SNX29: variants seen among roughly 807,000 people sequenced by gnomAD.
SNX29 encodes sorting nexin 29.
In SNX29, 78 loss-of-function variants were observed where a neutral mutation model predicts 102.1. The observed-to-expected ratio is 0.76, with a 90% confidence interval of 0.64 to 0.92. The LOEUF is 0.92. Among genes scored for constraint, SNX29 ranks in the 40% least tolerant of loss-of-function variants. The probability of loss-of-function intolerance (pLI) is 0.00; values close to 1 mark genes in which losing one functional copy is unlikely to be tolerated. For missense variants in SNX29, 1,280 were observed against 1,061.7 expected, an observed-to-expected ratio of 1.21 and a Z score of -2.86; for synonymous variants, 580 against 414.5, an observed-to-expected ratio of 1.40 and a Z score of -4.85.
intron 14 of SNX29, among the ~76,000 whole-genome samples, chr16:12,235,697 A>C (rs1030082471): frequency 6.6e-6 from 1 of 152,164 alleles, no homozygotes; most frequent in African/African-American, 2.4e-5. Context: ...ACTTGCATCC[A>C]CATTTTTTTT....
At chr16:12,269,330 CTTCACATTT>C (rs989596325) in intron 14 of SNX29, among the ~76,000 whole-genome samples, 28 of 152,208 alleles carry the variant, frequency 1.8e-4, no homozygotes, top group African/African-American at 6.5e-4. Flanking sequence ...GCATCACCAT[CTTCACATTT>C]GGCACGAGAT....
intron 15 of SNX29, among the ~76,000 whole-genome samples, chr16:12,332,289 C>T (rs972576204): frequency 1.3e-5 from 2 of 152,080 alleles, no homozygotes; most frequent in African/African-American, 2.4e-5. Flanking sequence ...TGCACAAGTG[C>T]GTGTCTTCAG....
chr16:12,533,166 G>A (rs1211185968), intron 20 of SNX29, among the ~76,000 whole-genome samples: 1 of 152,236 alleles, frequency 6.6e-6, no homozygotes, highest in Non-Finnish European at 1.5e-5. Flanking sequence ...GCCTCTCTCT[G>A]AACAAACTGG....
At chr16:12,030,543 T>C (rs944546971) in intron 4 of SNX29, among the ~76,000 whole-genome samples, 4 of 152,212 alleles carry the variant, frequency 2.6e-5, no homozygotes, top group African/African-American at 9.6e-5. Flanking sequence ...CATGGGTCCC[T>C]GAGCCACTCG....
At chr16:12,079,041 T>A in intron 11 of SNX29, 126 bp downstream of exon 11, 1 of 797,364 alleles carries the variant, frequency 1.3e-6, no homozygotes, top group Non-Finnish European at 2.0e-6. Flanking sequence ...TCCCTGGTTG[T>A]AGACTGGAGG....
At chr16:12,266,925 G>C (rs1351794536) in intron 14 of SNX29, among the ~76,000 whole-genome samples, 2 of 151,984 alleles carry the variant, frequency 1.3e-5, no homozygotes, top group Non-Finnish European at 2.9e-5. Context: ...CACCACGCCT[G>C]GCTAATTTTG....
At chr16:12,026,928 T>C (rs2057206783) in intron 3 of SNX29, among the ~76,000 whole-genome samples, 1 of 152,192 alleles carries the variant, frequency 6.6e-6, no homozygotes, top group Admixed American at 6.5e-5. Flanking sequence ...ACATGTAATA[T>C]GAATTAGAGT....
At chr16:12,122,025 G>A (rs1297806877) in intron 11 of SNX29, among the ~76,000 whole-genome samples, 1 of 152,114 alleles carries the variant, frequency 6.6e-6, no homozygotes, top group African/African-American at 2.4e-5. Flanking sequence ...CATGTTGGCT[G>A]GGATGGTCTT....
intron 11 of SNX29, among the ~76,000 whole-genome samples, chr16:12,097,361 G>C (rs1227394268): frequency 6.6e-6 from 1 of 152,180 alleles, no homozygotes; most frequent in Non-Finnish European, 1.5e-5. Context: ...GCTTCACCTG[G>C]AGACCCTGCA....
chr16:12,265,070 T>A (rs377716065), intron 14 of SNX29, among the ~76,000 whole-genome samples: 15 of 152,328 alleles, frequency 9.8e-5, no homozygotes, highest in East Asian at 7.7e-4. Flanking sequence ...TTTGGGGTGA[T>A]CCATGATACC....
rs184082896 is a variant in SNX29 at position 12,029,798 on chromosome 16, G to C, written c.247+2354G>C. ...GTAGAGATGGAGTTTCACCATGTTGGCCAGGCTGGTCTCGAACTCCTGACT... is the reference window on the plus strand; with the variant it reads ...GTAGAGATGGAGTTTCACCATGTTGCCCAGGCTGGTCTCGAACTCCTGACT... On this transcript the variant is annotated intron_variant, in intron 4 of 20. Transcript: ENST00000566228. The C allele has an allele frequency of 1.4e-4, 50 of 348,192 alleles. No individual in the cohort carries two copies. The East Asian group carries it at 3.7e-3, about 26-fold the overall frequency. The allele number at this position is 348,192 out of a possible 1,614,324, so 21.6% of individuals were successfully genotyped here.
Position 12,122,482 on chromosome 16 carries a change from C to G in SNX29, c.1403-4151C>G, listed in dbSNP as rs1465420386. Among the ~76,000 whole-genome samples, 3 of 152,046 alleles carry G rather than the reference C, an allele frequency of 2.0e-5. No individual in the cohort carries two copies. In the East Asian group the frequency reaches 5.8e-4, roughly 29 times the overall value. ...AAGCCCCAGATGCTCAGAAAAGGCG[C>G]TCCCCAAGCAGAAGCTTGAAGGACA... On this transcript the variant is annotated intron_variant, in intron 11 of 20. Coordinates refer to ENST00000566228, the MANE Select transcript of SNX29 (RefSeq NM_032167.5).
At chr16:12,251,800 C>G (rs2078431247) in intron 14 of SNX29, among the ~76,000 whole-genome samples, 1 of 151,944 alleles carries the variant, frequency 6.6e-6, no homozygotes, top group African/African-American at 2.4e-5. Flanking sequence ...TGCTCTGTCA[C>G]CCAGGCTGGA....
intron 13 of SNX29, among the ~76,000 whole-genome samples, chr16:12,179,296 C>T (rs1256010681): frequency 6.6e-6 from 1 of 152,212 alleles, no homozygotes; most frequent in East Asian, 1.9e-4. Context: ...TCAGACTGGG[C>T]AACGTGGCGA....
intron 15 of SNX29, among the ~76,000 whole-genome samples, chr16:12,343,457 T>C (rs1266367275): frequency 1.3e-5 from 2 of 152,194 alleles, no homozygotes; most frequent in Non-Finnish European, 2.9e-5. Context: ...TCCTGCTCGA[T>C]ACGATGGAGC....
At chr16:12,200,221 A>G (rs1186744004) in intron 14 of SNX29, among the ~76,000 whole-genome samples, 1 of 152,146 alleles carries the variant, frequency 6.6e-6, no homozygotes, top group Admixed American at 6.5e-5. Flanking sequence ...ATGCTGAATA[A>G]ATTTTAGCTA....
chr16:12,483,941 G>A (rs548938590), intron 19 of SNX29, among the ~76,000 whole-genome samples: 30 of 152,330 alleles, frequency 2.0e-4, no homozygotes, highest in Non-Finnish European at 3.8e-4. Context: ...AGGGAGCAAA[G>A]GAGTCACTCC....
At chr16:12,109,866 G>T (rs375524619) in intron 11 of SNX29, among the ~76,000 whole-genome samples, 1 of 152,128 alleles carries the variant, frequency 6.6e-6, no homozygotes, top group Admixed American at 6.5e-5. Context: ...AAGTATCTGG[G>T]ATTACAGGTG....
At chr16:12,520,645 C>T (rs1049674048) in intron 19 of SNX29, among the ~76,000 whole-genome samples, 2 of 152,130 alleles carry the variant, frequency 1.3e-5, no homozygotes, top group East Asian at 1.9e-4. Context: ...ATGTCTTTTG[C>T]GGCAACTTGG....
Sources: allele counts gnomAD v4.1 joint callset (sites outside exome capture counted in the v4.1 genomes callset), GRCh38; gene constraint gnomAD v4.1.1; transcripts MANE v1.5; gene names NCBI Gene and HGNC (gene_info 2026-07-23, HGNC 2026-07-21).